The following SBNO1 variants were observed in gnomAD, a reference collection of about 807,000 sequenced individuals.
SBNO1 encodes the protein protein strawberry notch homolog 1.
Under a neutral mutation model 173.6 loss-of-function variants are expected in SBNO1, and 23 were observed. The observed-to-expected ratio is 0.13, with a 90% CI of 0.10 to 0.19. SBNO1 has a LOEUF of 0.19. Ranked by LOEUF, SBNO1 falls within the 10% of genes least tolerant of loss-of-function variation. The pLI, the probability that SBNO1 is intolerant of heterozygous loss-of-function variation, is 1.00. For synonymous variants in SBNO1, 632 were observed against 571.5 expected (o/e 1.11, Z -1.51); for missense variants, 1,238 against 1,671.2 (o/e 0.74, Z 4.52).
At chr12:123,347,983 C>T (rs1407760913) in intron 3 of SBNO1, 46 bp downstream of exon 3, 4 of 1,251,282 alleles carry the variant, frequency 3.2e-6, no homozygotes, top group Non-Finnish European at 4.7e-6. Context: ...TCTCACTACA[C>T]TTCTAAACTA....
chr12:123,320,440 C>T lies in SBNO1; in HGVS notation c.2659G>A (p.Val887Ile). The change falls in exon 19 of 32, where the codon GTT (valine) becomes ATT (isoleucine). Residue 887 changes from valine (V) to isoleucine (I), a missense_variant. This residue lies in a region of SBNO1 where 45 missense variants were observed against 85.5 expected (regional missense o/e 0.53). Coordinates refer to ENST00000602398, the MANE Select transcript of SBNO1 (RefSeq NM_001167856.3). ...GATACAGGCCTATTTACCTCAGCAACGTTCTCAGGGCCACCAAGTTCATCG... is the reference window on the plus strand; with the variant it reads ...GATACAGGCCTATTTACCTCAGCAATGTTCTCAGGGCCACCAAGTTCATCG... The part of the protein sequence containing the change: ...LIDELGGPEN[V>I]AEMTGRKGRV... The T allele has an allele frequency of 3.7e-6, 6 of 1,612,506 alleles. No homozygotes were observed. The highest frequency in any genetic ancestry group is 5.1e-6 in the Non-Finnish European group (6 of 1,179,290).
At chr12:123,302,699 C>G in intron 30 of SBNO1, 125 bp downstream of exon 30, 1 of 710,058 alleles carries the variant, frequency 1.4e-6, no homozygotes. Flanking sequence ...CCTGATGGAA[C>G]ACACCACGCC....
At chr12:123,301,054 CAG>C (rs945614970) in intron 30 of SBNO1, among the ~76,000 whole-genome samples, 8 of 151,062 alleles carry the variant, frequency 5.3e-5, no homozygotes, top group African/African-American at 1.9e-4. Context: ...GTCATCCAGA[CAG>C]GGGTGCAGTG....
chr12:123,355,378 G>A (rs1356157370), intron 1 of SBNO1, among the ~76,000 whole-genome samples: 8 of 152,010 alleles, frequency 5.3e-5, no homozygotes, highest in Admixed American at 1.3e-4. Flanking sequence ...CGCTGGGCAC[G>A]GTGGCTCCCC....
chr12:123,290,430 T>C lies in SBNO1; in HGVS notation c.*5478A>G, dbSNP rs2048494123. 2 of 152,188 alleles carry C rather than the reference T, an allele frequency of 1.3e-5. No individual in the cohort carries two copies. The highest frequency in any genetic ancestry group is 4.8e-5 in the African/African-American group (2 of 41,434). 9.4% of individuals were successfully genotyped at this position (152,188 alleles called of 1,614,324 possible). A position where few individuals can be genotyped will look rare whatever the true frequency, so the allele number is the denominator to read the frequency against. Reference sequence around the variant, plus strand: ...GGAACATTTTCTTACAGGTGCAAAATTGTGAACAAATACCCAATGTCTGCC... The same window carrying C: ...GGAACATTTTCTTACAGGTGCAAAACTGTGAACAAATACCCAATGTCTGCC... On this transcript the variant is annotated 3_prime_UTR_variant, in exon 32 of 32. Transcript: ENST00000602398.
At chr12:123,301,773 A>G (rs1301301778) in intron 30 of SBNO1, among the ~76,000 whole-genome samples, 2 of 152,060 alleles carry the variant, frequency 1.3e-5, no homozygotes, top group African/African-American at 4.8e-5. Context: ...AAGAAAGAAA[A>G]GAGCCCAGCT....
At chr12:123,326,565 T>C (rs961903506) in intron 13 of SBNO1, among the ~76,000 whole-genome samples, 7 of 152,190 alleles carry the variant, frequency 4.6e-5, no homozygotes, top group African/African-American at 1.7e-4. Flanking sequence ...ACTATGCAAC[T>C]GAAATAAATG....
chr12:123,360,603 C>A (rs1875030733), intron 1 of SBNO1, among the ~76,000 whole-genome samples: 1 of 151,804 alleles, frequency 6.6e-6, no homozygotes, highest in Non-Finnish European at 1.5e-5. Context: ...GATCACCACG[C>A]CCAGCTAATT....
In SBNO1 at chr12:123,297,400, C is replaced by CAAAAAAAAAAAAAAAAAAAAAAAAAA. The variant is rs59447456; in HGVS notation, c.4039+577_4039+578insTTTTTTTTTTTTTTTTTTTTTTTTTT. 2.0e-3 allele frequency among the ~76,000 whole-genome samples: 64 copies of CAAAAAAAAAAAAAAAAAAAAAAAAAA among 31,508 alleles called. 7 individuals are homozygous for CAAAAAAAAAAAAAAAAAAAAAAAAAA. The highest frequency in any genetic ancestry group is 4.3e-3 in the South Asian group (2 of 466). 20.7% of individuals were successfully genotyped at this position (31,508 alleles called of 152,430 possible). On this transcript the variant is annotated intron_variant, in intron 31 of 31. Coordinates refer to ENST00000602398, the MANE Select transcript of SBNO1 (RefSeq NM_001167856.3). ...TACAACATCCCAAAATACTGGTGTC[C>CAAAAAAAAAAAAAAAAAAAAAAAAAA]AAAAAAAAAAAAAAAAAAAAAATTC... is the stretch of plus-strand genomic sequence containing the variant.
intron 1 of SBNO1, among the ~76,000 whole-genome samples, chr12:123,361,385 C>T (rs530573819): frequency 6.6e-6 from 1 of 151,682 alleles, no homozygotes; most frequent in South Asian, 2.1e-4. Context: ...CCCGTCTCTA[C>T]TAAAAATACA....
chr12:123,319,542 G>C (rs561093192), intron 20 of SBNO1, among the ~76,000 whole-genome samples: 3 of 152,044 alleles, frequency 2.0e-5, no homozygotes, highest in Non-Finnish European at 4.4e-5. Context: ...TGAGCAGCTG[G>C]GACTACAGGC....
chr12:123,324,330 T>C (rs1486006488), intron 15 of SBNO1, among the ~76,000 whole-genome samples: 2 of 150,630 alleles, frequency 1.3e-5, no homozygotes, highest in East Asian at 1.9e-4. Context: ...TTTTCTTTTT[T>C]TTTTTTTTTT....
At chr12:123,323,340 C>T (rs1191592122) in intron 16 of SBNO1, among the ~76,000 whole-genome samples, 6 of 152,082 alleles carry the variant, frequency 3.9e-5, no homozygotes, top group African/African-American at 1.2e-4. Context: ...GTATTTTCAA[C>T]GTCAACTATT....
At chr12:123,331,914 A>G (rs1260235610) in intron 7 of SBNO1, among the ~76,000 whole-genome samples, 1 of 152,072 alleles carries the variant, frequency 6.6e-6, no homozygotes, top group Admixed American at 6.6e-5. Context: ...GTGCAGTGGC[A>G]CAATCTCGGC....
intron 1 of SBNO1, among the ~76,000 whole-genome samples, chr12:123,351,857 T>C (rs1015213783): frequency 2.0e-5 from 3 of 152,036 alleles, no homozygotes; most frequent in Admixed American, 6.6e-5. Context: ...AGCGAGAATA[T>C]GAAGCACGTC....
chr12:123,361,409 G>A (rs1244529056), intron 1 of SBNO1, among the ~76,000 whole-genome samples: 5 of 151,910 alleles, frequency 3.3e-5, no homozygotes, highest in East Asian at 1.9e-4. Flanking sequence ...TTAACCAGAC[G>A]TGGTGGCTCA....
chr12:123,317,449 C>CT (rs1288355345), intron 20 of SBNO1, 93 bp from the exon 21 acceptor site: 1 of 1,058,258 alleles, frequency 9.4e-7, no homozygotes, highest in Non-Finnish European at 1.4e-6. Context: ...TGCCTATTCT[C>CT]TCCTTCTTTC....
chr12:123,311,211 A>C, intron 24 of SBNO1, 82 bp from the exon 25 acceptor site: 1 of 1,000,290 alleles, frequency 1.0e-6, no homozygotes, highest in Admixed American at 1.9e-5. Context: ...GTATGTTGTA[A>C]GTAGTATCAT....
chr12:123,303,038 T>C (rs1012977846), intron 29 of SBNO1, 138 bp from the exon 30 acceptor site: 1 of 639,688 alleles, frequency 1.6e-6, no homozygotes. Context: ...ATTAACTGAA[T>C]CTGAACGCCA....
Sources: allele counts gnomAD v4.1 joint callset (sites outside exome capture counted in the v4.1 genomes callset), GRCh38; gene constraint gnomAD v4.1.1; regional missense constraint gnomAD v4.1.1; transcripts MANE v1.5; gene names NCBI Gene and HGNC (gene_info 2026-07-23, HGNC 2026-07-21).